The following DGKH variants were observed in gnomAD, a reference collection of about 807,000 sequenced individuals.
DGKH encodes DAG kinase eta.
In DGKH, 90 loss-of-function variants were observed where a neutral mutation model predicts 159.3. The ratio of observed to expected loss-of-function variants is 0.57; its 90% confidence interval spans 0.48 to 0.67. The LOEUF (loss-of-function observed/expected upper bound fraction) is 0.67. Among genes scored for constraint, DGKH ranks in the 30% least tolerant of loss-of-function variants. The pLI is 0.00. For synonymous variants in DGKH, 536 were observed against 553.8 expected (o/e 0.97, Z 0.45); for missense variants, 1,181 against 1,506.1 (o/e 0.78, Z 3.57).
At chr13:42,127,311 A>G in intron 1 of DGKH, 152 bp from the exon 2 acceptor site, 1 of 633,568 alleles carries the variant, frequency 1.6e-6, no homozygotes, top group Admixed American at 2.9e-5. Flanking sequence ...GCACATATGC[A>G]AAGCTGTGGT....
At chr13:42,221,462 C>A (rs749479970) in intron 29 of DGKH, 68 bp downstream of exon 29, 164 of 1,578,832 alleles carry the variant, frequency 1.0e-4, no homozygotes, top group Non-Finnish European at 1.3e-4. Context: ...TCCTGTGCCT[C>A]TTCTGATACT....
chr13:42,188,271 A>T (rs1394611781), intron 14 of DGKH, among the ~76,000 whole-genome samples: 2 of 152,214 alleles, frequency 1.3e-5, no homozygotes, highest in Non-Finnish European at 2.9e-5. Context: ...TGAAAAGTAT[A>T]TTGGGGGGTA....
intron 1 of DGKH, among the ~76,000 whole-genome samples, chr13:42,100,907 C>T (rs1033519469): frequency 9.9e-5 from 15 of 152,198 alleles, no homozygotes; most frequent in Admixed American, 2.6e-4. Flanking sequence ...GGCAAGTAGA[C>T]TTACTAGTTA....
chr13:42,087,620 A>G (rs1954333065), intron 1 of DGKH, among the ~76,000 whole-genome samples: 1 of 152,246 alleles, frequency 6.6e-6, no homozygotes, highest in Admixed American at 6.5e-5. Context: ...TGAAAATGCA[A>G]TATCTGAAAT....
At chr13:42,075,098 A>G (rs9532987) in intron 1 of DGKH, among the ~76,000 whole-genome samples, 94,638 of 151,964 alleles carry the variant, frequency 0.62, 29,765 homozygotes, top group Non-Finnish European at 0.68. Flanking sequence ...ATACATTCAT[A>G]TGGTTGGATT....
chr13:42,186,332 A>G (rs1347249612), intron 13 of DGKH, among the ~76,000 whole-genome samples: 5 of 152,222 alleles, frequency 3.3e-5, no homozygotes, highest in Non-Finnish European at 5.9e-5. Flanking sequence ...ATCCAGATCC[A>G]GATCCAAAGC....
At chr13:42,207,409 T>C (rs1466608031) in intron 21 of DGKH, among the ~76,000 whole-genome samples, 1 of 151,488 alleles carries the variant, frequency 6.6e-6, no homozygotes. Flanking sequence ...CAGGGTGGTC[T>C]CGAACTTCTG....
intron 24 of DGKH, 102 bp downstream of exon 24, chr13:42,210,867 AGAT>A: frequency 9.8e-7 from 1 of 1,017,626 alleles, no homozygotes; most frequent in Admixed American, 2.9e-5. Context: ...TATCAAAAAG[AGAT>A]GCAATTACTC....
In DGKH at chr13:42,143,090, G is replaced by T. The variant is rs538589286; in HGVS notation, c.385-12201G>T. ...CATCCCATCAATACCTAATTTTTTT[G>T]AGAGTTTTTAGCATGAAGGGTTGTT... On this transcript the variant is annotated intron_variant, in intron 3 of 29. Coordinates refer to ENST00000337343, the MANE Select transcript of DGKH (RefSeq NM_178009.5). 2.8e-5 allele frequency among the ~76,000 whole-genome samples: 4 copies of T among 143,814 alleles called. No individual in the cohort carries two copies. In the East Asian group the frequency reaches 5.9e-4, roughly 21 times the overall value. The allele number at this position is 143,814 out of a possible 152,430, so 94.3% of individuals were successfully genotyped here. A position where few individuals can be genotyped will look rare whatever the true frequency, so the allele number is the denominator to read the frequency against.
At position 42,229,083 on chromosome 13, in the gene DGKH, T is replaced by C. The variant is rs1254893475; in HGVS notation, c.3574-16T>C. 1 of 1,593,228 alleles carries C rather than the reference T, an allele frequency of 6.3e-7. No homozygotes were observed. ...ATTTTTAATTATTTCTACCTTTTTC[T>C]GTTCTTTTATTTTAGGATCTGGGGA... On this transcript the variant is annotated splice_polypyrimidine_tract_variant and intron_variant, in intron 29 of 29. Transcript: ENST00000337343.
chr13:42,155,225 G>A, intron 3 of DGKH, 66 bp from the exon 4 acceptor site: 2 of 1,221,964 alleles, frequency 1.6e-6, no homozygotes, highest in Non-Finnish European at 2.3e-6. Flanking sequence ...CTCAGAAGAT[G>A]TTAGGTTTTG....
intron 1 of DGKH, among the ~76,000 whole-genome samples, chr13:42,055,760 G>T (rs939676955): frequency 2.0e-5 from 3 of 152,166 alleles, no homozygotes; most frequent in African/African-American, 7.2e-5. Flanking sequence ...CTTTGAAAAA[G>T]GCCATAACAT....
rs1428574930 is a variant in DGKH, at chr13:42,241,238, T to G, written c.*12050T>G. ...TTAGATTCTGGGGATACAGATAAAATAAGACAAAGCTCCCATCTGGTAGAG... is the reference window on the plus strand; with the variant it reads ...TTAGATTCTGGGGATACAGATAAAAGAAGACAAAGCTCCCATCTGGTAGAG... On this transcript the variant is annotated 3_prime_UTR_variant, in exon 30 of 30. Transcript: ENST00000337343. 6.6e-6 allele frequency: 1 copy of G among 152,208 alleles called. No individual in the cohort carries two copies. Among genetic ancestry groups the G allele is most frequent in the Non-Finnish European group, 1.5e-5 (1 of 68,026 alleles). The allele number at this position is 152,208 out of a possible 1,614,324, so 9.4% of individuals were successfully genotyped here.
intron 1 of DGKH, among the ~76,000 whole-genome samples, chr13:42,079,452 C>T (rs964812181): frequency 5.3e-5 from 8 of 152,062 alleles, no homozygotes; most frequent in Non-Finnish European, 1.0e-4. Context: ...CATCCATTCC[C>T]CTCCTACCCT....
intron 4 of DGKH, 25 bp downstream of exon 4, chr13:42,155,420 CT>C: frequency 6.3e-7 from 1 of 1,596,202 alleles, no homozygotes; most frequent in Non-Finnish European, 8.6e-7. Flanking sequence ...TTTCTTTCAT[CT>C]CGTGTTCTTA....
At chr13:42,199,950 C>CT in intron 20 of DGKH, 41 bp downstream of exon 20, 1 of 1,509,422 alleles carries the variant, frequency 6.6e-7, no homozygotes, top group Non-Finnish European at 8.9e-7. Context: ...TATTATCTTA[C>CT]TTAAAAAAAA....
chr13:42,155,252 TG>T, intron 3 of DGKH, 38 bp from the exon 4 acceptor site: 1 of 1,465,510 alleles, frequency 6.8e-7, no homozygotes, highest in East Asian at 2.3e-5. Context: ...TCTTTCTCTT[TG>T]GGTATTAACA....
intron 3 of DGKH, among the ~76,000 whole-genome samples, chr13:42,135,490 A>AC (rs1566119849): frequency 1.2e-4 from 16 of 129,672 alleles, no homozygotes; most frequent in Admixed American, 6.0e-4. Flanking sequence ...ACCCTGTCTC[A>AC]GAAAAAAAAA....
chr13:42,128,272 T>C (rs1955212819), intron 2 of DGKH, among the ~76,000 whole-genome samples: 1 of 152,238 alleles, frequency 6.6e-6, no homozygotes, highest in Non-Finnish European at 1.5e-5. Context: ...TTAAGATTTC[T>C]GGCTACTGTG....
Sources: gnomAD v4.1 joint callset for allele counts (sites outside exome capture counted in the v4.1 genomes callset) on GRCh38, gnomAD v4.1.1 for gene constraint, MANE v1.5 for transcripts, NCBI Gene and HGNC (gene_info 2026-07-23, HGNC 2026-07-21) for gene names.